The following TAP2 variants were observed in gnomAD, a reference collection of about 807,000 sequenced individuals.
The protein encoded by TAP2 is transporter 2, ATP binding cassette subfamily B member.
A neutral mutation model predicts 74.7 loss-of-function variants in TAP2; 49 were observed. That is an observed-to-expected ratio of 0.66 (90% CI 0.52 to 0.83). The LOEUF (loss-of-function observed/expected upper bound fraction) is 0.83. Ranked by LOEUF, TAP2 falls within the 40% of genes least tolerant of loss-of-function variation. The pLI is 0.00. For synonymous variants in TAP2, 306 were observed against 368.4 expected (o/e 0.83, Z 1.94); for missense variants, 739 against 859.0 (o/e 0.86, Z 1.75).
In TAP2 at chr6:32,838,235, GCT is replaced by G. The variant is rs1769572420; in HGVS notation, c.-4_-3del. ...GGGTCTCAGGTCAGGGAGCCGCATG[GCT>G]CTGTCAACGGATACGAGATGAGAAA... is the stretch of plus-strand genomic sequence containing the variant. On this transcript the variant is annotated splice_region_variant and 5_prime_UTR_variant, in exon 2 of 12. Coordinates refer to ENST00000374897, the MANE Select transcript of TAP2 (RefSeq NM_001290043.2). 6 of 1,560,698 alleles carry G rather than the reference GCT, an allele frequency of 3.8e-6. No individual in the cohort carries two copies. Among genetic ancestry groups the G allele is most frequent in the Non-Finnish European group, 5.2e-6 (6 of 1,157,670 alleles).
chr6:32,826,594 T>C lies in TAP2; in HGVS notation c.*2312A>G. The C allele has an allele frequency of 7.1e-6, 7 of 985,408 alleles. No individual in the cohort carries two copies. Among genetic ancestry groups the C allele is most frequent in the Non-Finnish European group, 8.4e-6 (7 of 829,894 alleles). The allele number at this position is 985,408 out of a possible 1,614,324, so 61.0% of individuals were successfully genotyped here. On this transcript the variant is annotated 3_prime_UTR_variant, in exon 12 of 12. Transcript: ENST00000374897. ...GGAGCATTTTTCTGTGTCCCTGACA[T>C]AAAGCCTACCTGGGAGTTTCCCCTG...
chr6:32,834,739 A>G lies in TAP2; in HGVS notation c.945+415T>C, dbSNP rs578249400. ...CTTCCTGATGACGCCTCCTTTCCCT[A>G]TGCTGCATCCAGACTTCTTCTGCTG... On this transcript the variant is annotated intron_variant, in intron 5 of 11. Transcript: ENST00000374897. Among the ~76,000 whole-genome samples the G allele has an allele frequency of 1.1e-4, 16 of 152,340 alleles. 1 individual carries two copies. In the South Asian group the frequency reaches 3.1e-3, roughly 30 times the overall value.
chr6:32,830,158 C>T (rs1768963206), intron 9 of TAP2, 69 bp from the exon 10 acceptor site: 1 of 1,612,302 alleles, frequency 6.2e-7, no homozygotes, highest in East Asian at 2.2e-5. Flanking sequence ...TTGTCCTCCC[C>T]ACCTACCTCC....
At position 32,828,210 on chromosome 6, in the gene TAP2, T is replaced by C. The variant is rs1206159844; in HGVS notation, c.*696A>G. On this transcript the variant is annotated 3_prime_UTR_variant, in exon 12 of 12. Coordinates refer to ENST00000374897, the MANE Select transcript of TAP2 (RefSeq NM_001290043.2). ...TGGGGATAATGATTAAAAACGATAA[T>C]ACATGAAAAACACTTAGCATAGCTC... is the stretch of plus-strand genomic sequence containing the variant. The C allele has an allele frequency of 1.1e-6, 1 of 948,234 alleles. No homozygotes were observed. Among genetic ancestry groups the C allele is most frequent in the African/African-American group, 1.8e-5 (1 of 56,662 alleles). The allele number at this position is 948,234 out of a possible 1,614,324, so 58.7% of individuals were successfully genotyped here. A position where few individuals can be genotyped will look rare whatever the true frequency, so the allele number is the denominator to read the frequency against.
rs1768596388 is a variant in TAP2 at position 32,825,626 on chromosome 6, G to T, written c.*3280C>A. 2 of 152,224 alleles carry T rather than the reference G, an allele frequency of 1.3e-5. No homozygotes were observed. Among genetic ancestry groups the T allele is most frequent in the Non-Finnish European group, 2.9e-5 (2 of 68,038 alleles). 9.4% of individuals were successfully genotyped at this position (152,224 alleles called of 1,614,324 possible). A position where few individuals can be genotyped will look rare whatever the true frequency, so the allele number is the denominator to read the frequency against. ...TAGCAAACCTTGAGAAGGATTGAGA[G>T]TGAGGCTTTCCTCTGTATACTTCTT... On this transcript the variant is annotated 3_prime_UTR_variant, in exon 12 of 12. Transcript: ENST00000374897.
chr6:32,824,061 A>C (rs1018130127), downstream of TAP2, among the ~76,000 whole-genome samples: 2 of 152,146 alleles, frequency 1.3e-5, no homozygotes, highest in African/African-American at 4.8e-5. Flanking sequence ...TGATTCCTAG[A>C]TGTTACAGAC....
rs746792949 is a variant in TAP2, at chr6:32,837,532, C to T, written c.608+5G>A. 1.2e-6 allele frequency: 2 copies of T among 1,613,346 alleles called. No homozygotes were observed. Among genetic ancestry groups the T allele is most frequent in the Middle Eastern group, 1.7e-4 (1 of 6,060 alleles). ...AGCAAATGGACCCAGCTGCCCACCA[C>T]CTACCTGCCAAAGGAGAAGAGGCAC... On this transcript the variant is annotated splice_donor_5th_base_variant and intron_variant, in intron 3 of 11. Transcript: ENST00000374897.
At position 32,832,842 on chromosome 6, in the gene TAP2, C is replaced by G. The variant is rs2127359671; in HGVS notation, c.946-18G>C. The G allele has an allele frequency of 6.2e-7, 1 of 1,610,798 alleles. No individual in the cohort carries two copies. Among genetic ancestry groups the G allele is most frequent in the South Asian group, 1.1e-5 (1 of 91,076 alleles). On this transcript the variant is annotated intron_variant, in intron 5 of 11. Coordinates refer to ENST00000374897, the MANE Select transcript of TAP2 (RefSeq NM_001290043.2). This position sits in a 1 kb window ranked among gnomAD's most constrained non-coding sequence, Gnocchi z 5.9. ...AGCACTTCCTGGAAAAGAGGGCCAG[C>G]AAACACCAGGGCTGATGTGCAAAGA...
At position 32,827,505 on chromosome 6, in the gene TAP2, C is replaced by T. The variant is rs145234385; in HGVS notation, c.*1401G>A. ...TTAAAAGGGCTGTGAAAGAGGTAAC[C>T]GCACAGTGATAGAAGCACATGGAGA... On this transcript the variant is annotated 3_prime_UTR_variant, in exon 12 of 12. Coordinates refer to ENST00000374897, the MANE Select transcript of TAP2 (RefSeq NM_001290043.2). 1.4e-5 allele frequency: 5 copies of T among 345,264 alleles called. No individual in the cohort carries two copies. The highest frequency in any genetic ancestry group is 3.4e-4 in the East Asian group (2 of 5,920). The allele number at this position is 345,264 out of a possible 1,614,324, so 21.4% of individuals were successfully genotyped here.
rs2071546 is a variant in TAP2 at position 32,828,280 on chromosome 6, G to A, written c.*626C>T. Reference sequence around the variant, plus strand: ...ATAAATGGTAGCTGTTACCAATGTCGCTATTAATACTGTTAATCAGGGAAC... The same window carrying A: ...ATAAATGGTAGCTGTTACCAATGTCACTATTAATACTGTTAATCAGGGAAC... On this transcript the variant is annotated 3_prime_UTR_variant, in exon 12 of 12. Coordinates refer to ENST00000374897, the MANE Select transcript of TAP2 (RefSeq NM_001290043.2). 246,042 of 981,472 alleles carry A rather than the reference G, an allele frequency of 0.25. 32,057 individuals carry two copies. The highest frequency in any genetic ancestry group is 0.4 in the South Asian group (8,461 of 21,190). The allele number at this position is 981,472 out of a possible 1,614,324, so 60.8% of individuals were successfully genotyped here.
rs17213770 is a variant in TAP2, at chr6:32,827,053, C to G, written c.*1853G>C. 10,177 of 985,602 alleles carry G rather than the reference C, an allele frequency of 0.01. 461 individuals are homozygous for G. The African/African-American group carries it at 0.13, about 12-fold the overall frequency. 61.1% of individuals were successfully genotyped at this position (985,602 alleles called of 1,614,324 possible). Reference sequence around the variant, plus strand: ...GCCCCAGGATGAAAGAAAGGCAAATCTGCACAAGAAACTGCCCACTCTCAC... The same window carrying G: ...GCCCCAGGATGAAAGAAAGGCAAATGTGCACAAGAAACTGCCCACTCTCAC... On this transcript the variant is annotated 3_prime_UTR_variant, in exon 12 of 12. Coordinates refer to ENST00000374897, the MANE Select transcript of TAP2 (RefSeq NM_001290043.2).
intron 1 of TAP2, 171 bp from the exon 2 acceptor site, chr6:32,838,408 C>A (rs1265398836): frequency 2.0e-6 from 1 of 488,500 alleles, no homozygotes; most frequent in Non-Finnish European, 2.7e-6. Context: ...CCTCCTACGA[C>A]AGACAGCTTT....
At chr6:32,829,269 A>G in intron 11 of TAP2, 131 bp downstream of exon 11, 2 of 1,475,922 alleles carry the variant, frequency 1.4e-6, no homozygotes, top group Non-Finnish European at 1.8e-6. Flanking sequence ...TCCATTCCCC[A>G]ACCCCAAGAA....
downstream of TAP2, among the ~76,000 whole-genome samples, chr6:32,824,199 G>T (rs1455165645): frequency 6.6e-6 from 1 of 151,850 alleles, no homozygotes; most frequent in Non-Finnish European, 1.5e-5. Context: ...TACATATTTT[G>T]TAGTTTTATT....
rs1261707017 is a variant in TAP2 at position 32,832,313 on chromosome 6, AG to A, written c.1272+19del. 6.2e-7 allele frequency: 1 copy of A among 1,613,056 alleles called. No homozygotes were observed. The highest frequency in any genetic ancestry group is 8.5e-7 in the Non-Finnish European group (1 of 1,180,026). ...AAAAAGAGAGGGAAAAAAGGAGAGC[AG>A]GCTTGGCTTCTCGCTCACCTGCACA... On this transcript the variant is annotated intron_variant, in intron 7 of 11. Transcript: ENST00000374897. The surrounding 1 kb of genome is among the most constrained non-coding windows in gnomAD (Gnocchi z 5.9).
Position 32,832,306 on chromosome 6 carries a change from G to C in TAP2, c.1272+27C>G. The C allele has an allele frequency of 6.2e-7, 1 of 1,612,944 alleles. No individual in the cohort carries two copies. The highest frequency in any genetic ancestry group is 8.5e-7 in the Non-Finnish European group (1 of 1,180,016). ...CACAAAGAAAAAGAGAGGGAAAAAAGGAGAGCAGGCTTGGCTTCTCGCTCA... is the reference window on the plus strand; with the variant it reads ...CACAAAGAAAAAGAGAGGGAAAAAACGAGAGCAGGCTTGGCTTCTCGCTCA... On this transcript the variant is annotated intron_variant, in intron 7 of 11. Transcript: ENST00000374897. This position sits in a 1 kb window ranked among gnomAD's most constrained non-coding sequence, Gnocchi z 5.9.
rs1236067582 is a variant in TAP2, at chr6:32,830,401, G to A, written c.1501C>T (p.Leu501=). ...TTCCCAGACCCATTGGGTCCCACCA[G>A]CGCCGTCACCTCACCAGGACGTAGG... ...FTLRPGEVTA[L]VGPNGSGKST... The change falls in exon 9 of 12, where the codon CTG becomes TTG. Residue 501 remains leucine, a synonymous_variant. Transcript: ENST00000374897. 6 of 1,612,902 alleles carry A rather than the reference G, an allele frequency of 3.7e-6. No homozygotes were observed. Among genetic ancestry groups the A allele is most frequent in the South Asian group, 1.1e-5 (1 of 91,082 alleles).
In TAP2 at chr6:32,830,279, G is replaced by A. The variant is rs2127354732; in HGVS notation, c.1623C>T (p.Tyr541=). 6.2e-7 allele frequency: 1 copy of A among 1,613,090 alleles called. No individual in the cohort carries two copies. Reference sequence around the variant, plus strand: ...CCTCCTCACCCACCTGGCTGTGCAGGTAGCAGTGTTCATACTGTGAGATGG... The same window carrying A: ...CCTCCTCACCCACCTGGCTGTGCAGATAGCAGTGTTCATACTGTGAGATGG... ...EKPISQYEHC[Y]LHSQVVSVGQ... Residue 541 remains tyrosine (Y), a synonymous_variant, in exon 9 of 12, where the codon TAC becomes TAT. Transcript: ENST00000374897.
At chr6:32,829,256 G>A in intron 11 of TAP2, 144 bp downstream of exon 11, 1 of 1,450,082 alleles carries the variant, frequency 6.9e-7, no homozygotes, top group Non-Finnish European at 9.3e-7. Context: ...CACACCACCG[G>A]ATTCCATTCC....
Sources: allele counts gnomAD v4.1 joint callset (sites outside exome capture counted in the v4.1 genomes callset), GRCh38; gene constraint gnomAD v4.1.1; non-coding constraint Gnocchi (gnomAD v3.1); transcripts MANE v1.5; gene names NCBI Gene and HGNC (gene_info 2026-07-23, HGNC 2026-07-21).